The following TMEM117 variants were observed in gnomAD, a reference collection of about 807,000 sequenced individuals.
TMEM117 encodes the protein transmembrane protein 117.
Under a neutral mutation model 52.4 loss-of-function variants are expected in TMEM117, and 27 were observed. The ratio of observed to expected loss-of-function variants is 0.51; its 90% CI spans 0.38 to 0.71. The LOEUF is 0.71. Among genes scored for constraint, TMEM117 ranks in the 30% least tolerant of loss-of-function variants. The pLI, the probability that TMEM117 is intolerant of heterozygous loss-of-function variation, is 0.00. For synonymous variants in TMEM117, 215 were observed against 206.3 expected (o/e 1.04, Z -0.36); for missense variants, 556 against 630.5 (o/e 0.88, Z 1.26).
At chr12:44,271,212 G>A (rs1386202803) in intron 5 of TMEM117, among the ~76,000 whole-genome samples, 1 of 151,890 alleles carries the variant, frequency 6.6e-6, no homozygotes, top group African/African-American at 2.4e-5. Context: ...CATAGGATGT[G>A]TTTGAAAAGT....
intron 6 of TMEM117, among the ~76,000 whole-genome samples, chr12:44,365,391 C>T (rs1468476312): frequency 6.6e-6 from 1 of 151,912 alleles, no homozygotes; most frequent in Non-Finnish European, 1.5e-5. Flanking sequence ...AAGGGCATAT[C>T]GGCATGATAG....
intron 4 of TMEM117, among the ~76,000 whole-genome samples, chr12:44,155,341 C>G (rs1364608759): frequency 2.0e-5 from 3 of 152,010 alleles, no homozygotes; most frequent in African/African-American, 7.2e-5. Context: ...AAAATTGAGT[C>G]AAAATACCAT....
At chr12:43,928,778 T>C (rs1354678895) in intron 2 of TMEM117, among the ~76,000 whole-genome samples, 1 of 135,710 alleles carries the variant, frequency 7.4e-6, no homozygotes, top group Non-Finnish European at 1.5e-5. Flanking sequence ...CAGAATGTGA[T>C]GTTCCCCTTC....
rs897573446 is a variant in TMEM117, at chr12:44,179,421, GCTT to G, written c.511-31866_511-31864del. Among the ~76,000 whole-genome samples, 87 of 152,330 alleles carry G rather than the reference GCTT, an allele frequency of 5.7e-4. 1 individual carries two copies. The highest frequency in any genetic ancestry group is 2.0e-3 in the African/African-American group (84 of 41,586). ...TCAGTCTGAGGCTGAAGGCCCGAGA[GCTT>G]CTGGGAGTCTGCTGGTGCAAATCCT... On this transcript the variant is annotated intron_variant, in intron 4 of 7. Transcript: ENST00000266534.
intron 3 of TMEM117, among the ~76,000 whole-genome samples, chr12:44,065,692 A>G (rs372215308): frequency 9.8e-5 from 15 of 152,326 alleles, no homozygotes; most frequent in African/African-American, 3.6e-4. Flanking sequence ...GCTGAACTTA[A>G]ATTGTTCTGA....
In TMEM117 at chr12:43,929,909, C is replaced by T. The variant is rs1430325157; in HGVS notation, c.278-14301C>T. 2.0e-5 allele frequency among the ~76,000 whole-genome samples: 3 copies of T among 152,020 alleles called. No individual in the cohort carries two copies. The East Asian group carries it at 5.8e-4, about 29-fold the overall frequency. ...CTGCTTATGTTATCAATTTTTTCCC[C>T]TGCTTTTCAGTAATTTTTTTATGTC... On this transcript the variant is annotated intron_variant, in intron 2 of 7. Transcript: ENST00000266534.
intron 7 of TMEM117, among the ~76,000 whole-genome samples, chr12:44,384,344 C>T (rs1002023048): frequency 2.0e-5 from 3 of 152,162 alleles, no homozygotes; most frequent in Middle Eastern, 3.4e-3. Flanking sequence ...CTGCTGCATG[C>T]GCAGGAGGGA....
intron 6 of TMEM117, among the ~76,000 whole-genome samples, chr12:44,346,112 T>G (rs1951482934): frequency 1.3e-5 from 2 of 152,150 alleles, no homozygotes; most frequent in South Asian, 4.1e-4. Flanking sequence ...TTTGGTTACC[T>G]TTAAGTAAGT....
chr12:44,243,759 G>A (rs61399923), intron 5 of TMEM117, among the ~76,000 whole-genome samples: 29,481 of 151,614 alleles, frequency 0.19, 6,067 homozygotes, highest in African/African-American at 0.52. Context: ...CCTTTTGACT[G>A]ACATCTTCTC....
At chr12:44,122,251 A>T (rs1948248917) in intron 3 of TMEM117, among the ~76,000 whole-genome samples, 1 of 151,836 alleles carries the variant, frequency 6.6e-6, no homozygotes, top group South Asian at 2.1e-4. Flanking sequence ...TCACTGTGTT[A>T]GCCAGGATGG....
chr12:44,030,771 GAGTTA>G (rs1162460973), intron 3 of TMEM117, among the ~76,000 whole-genome samples: 2 of 152,138 alleles, frequency 1.3e-5, no homozygotes, highest in East Asian at 3.9e-4. Context: ...CAGCATAAAT[GAGTTA>G]AGTTAAATAG....
intron 5 of TMEM117, among the ~76,000 whole-genome samples, chr12:44,216,645 G>A (rs1949722499): frequency 6.6e-6 from 1 of 152,162 alleles, no homozygotes; most frequent in Admixed American, 6.6e-5. Context: ...TATTATAGTG[G>A]CAAGTGTTAT....
At chr12:44,131,684 A>G (rs911055620) in intron 3 of TMEM117, among the ~76,000 whole-genome samples, 7 of 152,080 alleles carry the variant, frequency 4.6e-5, no homozygotes, top group African/African-American at 1.7e-4. Flanking sequence ...TGATAAGTTG[A>G]CCCTGTTATC....
At chr12:44,272,875 A>G (rs1956215679) in intron 5 of TMEM117, among the ~76,000 whole-genome samples, 1 of 152,220 alleles carries the variant, frequency 6.6e-6, no homozygotes, top group Admixed American at 6.5e-5. Context: ...TACTGGGTAT[A>G]TACCCAAAGG....
At chr12:43,842,265 G>A (rs1390364179) in intron 1 of TMEM117, among the ~76,000 whole-genome samples, 2 of 152,114 alleles carry the variant, frequency 1.3e-5, no homozygotes, top group Non-Finnish European at 2.9e-5. Flanking sequence ...CAGGTGATGA[G>A]CCTCATACTG....
intron 3 of TMEM117, among the ~76,000 whole-genome samples, chr12:44,092,425 G>A (rs1947689089): frequency 6.6e-6 from 1 of 152,074 alleles, no homozygotes; most frequent in Non-Finnish European, 1.5e-5. Context: ...TTAGAACTAG[G>A]GGCTTTCCTA....
At chr12:44,337,152 A>T (rs1951352211) in intron 6 of TMEM117, among the ~76,000 whole-genome samples, 1 of 151,970 alleles carries the variant, frequency 6.6e-6, no homozygotes, top group African/African-American at 2.4e-5. Context: ...ATATTTCCTT[A>T]CAGTCAGGGA....
chr12:43,955,570 A>G (rs2137647178), intron 3 of TMEM117, among the ~76,000 whole-genome samples: 1 of 152,306 alleles, frequency 6.6e-6, no homozygotes, highest in Non-Finnish European at 1.5e-5. Flanking sequence ...AATATCTTGG[A>G]ATACAGCTAA....
At chr12:43,980,695 A>G (rs1592411868) in intron 3 of TMEM117, among the ~76,000 whole-genome samples, 1 of 152,120 alleles carries the variant, frequency 6.6e-6, no homozygotes. Flanking sequence ...ATGGGGTACC[A>G]CCTGCCAAGT....
Sources: allele counts gnomAD v4.1 joint callset (sites outside exome capture counted in the v4.1 genomes callset), GRCh38; gene constraint gnomAD v4.1.1; transcripts MANE v1.5; gene names NCBI Gene and HGNC (gene_info 2026-07-23, HGNC 2026-07-21).